Variants in PCDHA2 observed in about 807,000 individuals in gnomAD.
The protein encoded by PCDHA2 is protocadherin alpha-2.
In PCDHA2, 58 loss-of-function variants were observed where a neutral mutation model predicts 66.0. The ratio of observed to expected loss-of-function variants is 0.88; its 90% CI spans 0.71 to 1.09. PCDHA2 has a LOEUF of 1.09. Ranked by LOEUF, PCDHA2 falls within the 50% of genes least tolerant of loss-of-function variation. The pLI, the probability that PCDHA2 is intolerant of heterozygous loss-of-function variation, is 0.00. For missense variants in PCDHA2, 1,267 were observed against 1,242.3 expected, an observed-to-expected ratio of 1.02 and a Z score of -0.30; for synonymous variants, 634 against 554.0, an observed-to-expected ratio of 1.14 and a Z score of -2.03.
intron 1 of PCDHA2, chr5:140,877,038 G>T (rs782221827): frequency 2.5e-6 from 4 of 1,612,418 alleles, no homozygotes; most frequent in East Asian, 2.2e-5. Flanking sequence ...CGCTGCAGCC[G>T]CTAGACCACG....
chr5:140,813,911 A>G (rs1765400735), intron 1 of PCDHA2: 1 of 152,288 alleles, frequency 6.6e-6, no homozygotes, highest in Non-Finnish European at 1.5e-5. Flanking sequence ...AAGTGGGAGG[A>G]TCCTTGACTT....
rs2150124872 is a variant in PCDHA2 at position 140,823,348 on chromosome 5, G to A, written c.2388+25996G>A. The A allele has an allele frequency of 1.9e-5, 31 of 1,612,340 alleles. No homozygotes were observed. In the Admixed American group the frequency reaches 4.8e-4, roughly 25 times the overall value. On this transcript the variant is annotated intron_variant, in intron 1 of 3. Transcript: ENST00000526136. ...GTACGCGCTGCAGCCGCTGGACCAC[G>A]AGGAAGTGGAGCTGCTGCAGTTCCA...
chr5:140,928,569 GCCCAGAAATGGTTCTGT>G, intron 1 of PCDHA2: 1 of 1,614,202 alleles, frequency 6.2e-7, no homozygotes, highest in Non-Finnish European at 8.5e-7. Flanking sequence ...TGTTTCCCTT[GCCCAGAAATGGTTCTGT>G]CCCAGTGGAA....
At chr5:141,005,520 G>A (rs34458028) in intron 3 of PCDHA2, among the ~76,000 whole-genome samples, 7,602 of 151,238 alleles carry the variant, frequency 0.05, 239 homozygotes, top group South Asian at 0.11. Flanking sequence ...TGGCTAACAC[G>A]GTGAAACCCC....
chr5:141,000,417 A>ATTTT (rs1563652061), intron 3 of PCDHA2, among the ~76,000 whole-genome samples: 4 of 77,746 alleles, frequency 5.1e-5, no homozygotes, highest in African/African-American at 1.1e-4. Flanking sequence ...ATATATATAT[A>ATTTT]TATATTTTTT....
intron 1 of PCDHA2, among the ~76,000 whole-genome samples, chr5:140,886,080 C>A (rs910230815): frequency 3.7e-4 from 56 of 152,268 alleles, no homozygotes; most frequent in African/African-American, 1.2e-3. Flanking sequence ...CATACCACAA[C>A]CTGGATATTG....
intron 1 of PCDHA2, chr5:140,884,520 C>G (rs782029549): frequency 4.3e-6 from 7 of 1,613,918 alleles, no homozygotes; most frequent in Middle Eastern, 1.6e-4. Flanking sequence ...TGGTCGTACT[C>G]GCAGCAGAGG....
intron 1 of PCDHA2, among the ~76,000 whole-genome samples, chr5:140,938,899 A>G (rs1175857132): frequency 1.3e-5 from 2 of 152,000 alleles, no homozygotes; most frequent in African/African-American, 2.4e-5. Context: ...ACAGATGCGC[A>G]CACACACACA....
intron 1 of PCDHA2, chr5:140,877,000 G>C: frequency 6.2e-7 from 1 of 1,612,598 alleles, no homozygotes; most frequent in Non-Finnish European, 8.5e-7. Flanking sequence ...CTACGTGTCG[G>C]TGCACGCGGA....
chr5:140,884,529 G>C lies in PCDHA2; in HGVS notation c.2388+87177G>C. On this transcript the variant is annotated intron_variant, in intron 1 of 3. Transcript: ENST00000526136. Reference sequence around the variant, plus strand: ...GGGAGTTGGTCGTACTCGCAGCAGAGGCGGCCGAGGGTGTGCTCTGGGGAG... The same window carrying C: ...GGGAGTTGGTCGTACTCGCAGCAGACGCGGCCGAGGGTGTGCTCTGGGGAG... 2.5e-6 allele frequency: 4 copies of C among 1,614,068 alleles called. No individual in the cohort carries two copies. Among genetic ancestry groups the C allele is most frequent in the Non-Finnish European group, 3.4e-6 (4 of 1,179,986 alleles).
At chr5:140,925,505 C>T (rs528944783) in intron 1 of PCDHA2, among the ~76,000 whole-genome samples, 5 of 151,936 alleles carry the variant, frequency 3.3e-5, no homozygotes, top group African/African-American at 4.8e-5. Context: ...CCAATATCCA[C>T]GCAAAAGACC....
At chr5:140,838,041 C>T (rs1479923409) in intron 1 of PCDHA2, among the ~76,000 whole-genome samples, 1 of 149,154 alleles carries the variant, frequency 6.7e-6, no homozygotes. Flanking sequence ...TACCTTTCTG[C>T]ACTTTTTGGT....
intron 1 of PCDHA2, among the ~76,000 whole-genome samples, chr5:140,917,939 G>A (rs1408047210): frequency 6.6e-6 from 1 of 151,830 alleles, no homozygotes; most frequent in African/African-American, 2.4e-5. Context: ...AAATAATATT[G>A]GTAGTTTGAT....
Position 140,857,572 on chromosome 5 carries a change from G to T in PCDHA2, c.2388+60220G>T, listed in dbSNP as rs144978636. On this transcript the variant is annotated intron_variant, in intron 1 of 3. Coordinates refer to ENST00000526136, the MANE Select transcript of PCDHA2 (RefSeq NM_018905.3). Reference sequence around the variant, plus strand: ...AGCGCTCGCTGTCGAGCTACGTGTCGGTGCACGCGGAGAGCGGCAAGGTGT... The same window carrying T: ...AGCGCTCGCTGTCGAGCTACGTGTCTGTGCACGCGGAGAGCGGCAAGGTGT... 1.0e-5 allele frequency: 16 copies of T among 1,596,716 alleles called. 2 individuals carry two copies. The highest frequency in any genetic ancestry group is 1.4e-5 in the Non-Finnish European group (16 of 1,167,664).
chr5:140,811,611 C>T (rs1456888905), intron 1 of PCDHA2: 1 of 152,222 alleles, frequency 6.6e-6, no homozygotes, highest in East Asian at 1.9e-4. Context: ...TTTACACTCC[C>T]ACCAACGGTG....
chr5:140,857,965 T>A (rs2045057486), intron 1 of PCDHA2: 1 of 1,597,084 alleles, frequency 6.3e-7, no homozygotes, highest in East Asian at 2.2e-5. Context: ...TGGATGAGAC[T>A]GACTCGCCAC....
At chr5:140,998,389 C>T (rs1386157244) in intron 3 of PCDHA2, among the ~76,000 whole-genome samples, 3 of 152,128 alleles carry the variant, frequency 2.0e-5, no homozygotes, top group Non-Finnish European at 4.4e-5. Flanking sequence ...AAGTTTAATG[C>T]CATCTTTATG....
chr5:140,839,021 A>G (rs1403087386), intron 1 of PCDHA2, among the ~76,000 whole-genome samples: 1 of 152,058 alleles, frequency 6.6e-6, no homozygotes, highest in East Asian at 1.9e-4. Flanking sequence ...TTATTTTAGG[A>G]TATGTTACTG....
At chr5:140,958,744 A>G (rs1421311606) in intron 1 of PCDHA2, among the ~76,000 whole-genome samples, 1 of 152,156 alleles carries the variant, frequency 6.6e-6, no homozygotes, top group Non-Finnish European at 1.5e-5. Context: ...AAAGAGAGAA[A>G]GGAGATTTTT....
Sources: allele counts gnomAD v4.1 joint callset (sites outside exome capture counted in the v4.1 genomes callset), GRCh38; gene constraint gnomAD v4.1.1; transcripts MANE v1.5; gene names NCBI Gene and HGNC (gene_info 2026-07-23, HGNC 2026-07-21).